The following MAPK10 variants were observed in gnomAD, a reference collection of about 807,000 sequenced individuals.
MAPK10 encodes the protein mitogen-activated protein kinase 10.
In MAPK10, 25 loss-of-function variants were observed where a neutral mutation model predicts 59.3. The observed-to-expected ratio is 0.42, with a 90% CI of 0.31 to 0.59. The LOEUF is 0.59. Among genes scored for constraint, MAPK10 ranks in the 20% least tolerant of loss-of-function variants. The probability of loss-of-function intolerance (pLI) is 0.15; values close to 1 mark genes in which losing one functional copy is unlikely to be tolerated. For synonymous variants in MAPK10, 190 were observed against 200.5 expected (o/e 0.95, Z 0.44); for missense variants, 351 against 568.9 (o/e 0.62, Z 3.90).
rs535477087 is a variant in MAPK10 at position 86,437,017 on chromosome 4, C to T, written c.-122+16013G>A. On this transcript the variant is annotated intron_variant, in intron 1 of 13. Transcript: ENST00000361569. ...CACGAGGTCAGGAGATCGAGACCATCCTGGCTAACACGGTGAAACCACATC... is the reference window on the plus strand; with the variant it reads ...CACGAGGTCAGGAGATCGAGACCATTCTGGCTAACACGGTGAAACCACATC... 2.0e-5 allele frequency among the ~76,000 whole-genome samples: 3 copies of T among 152,102 alleles called. No individual in the cohort carries two copies. In the South Asian group the frequency reaches 6.2e-4, roughly 32 times the overall value.
At position 86,300,017 on chromosome 4, in the gene MAPK10, T is replaced by A. The variant is rs1036637480; in HGVS notation, c.-7+54513A>T. On this transcript the variant is annotated intron_variant, in intron 2 of 13. Coordinates refer to ENST00000641462, the MANE Select transcript of MAPK10 (RefSeq NM_138982.4). ...AAGAGATTCTCCTGCCTCAGCCTCC[T>A]GAGTAGCTGGGTTTGCAGGTGTGCA... Among the ~76,000 whole-genome samples, 3 of 152,036 alleles carry A rather than the reference T, an allele frequency of 2.0e-5. No individual in the cohort carries two copies. The East Asian group carries it at 5.8e-4, about 29-fold the overall frequency.
At chr4:86,137,875 T>C (rs1370552389) in intron 4 of MAPK10, among the ~76,000 whole-genome samples, 1 of 149,816 alleles carries the variant, frequency 6.7e-6, no homozygotes, top group Non-Finnish European at 1.5e-5. Context: ...CCCACAGAAA[T>C]ACAAACTACC....
rs181880120 is a variant in MAPK10, at chr4:86,591,911, A to G, written c.-263+1999T>C. ...GTACTTGACTTCAATAGGAATAATTATGATGTTATGTTATAAAGGAAGTGG... is the reference window on the plus strand; with the variant it reads ...GTACTTGACTTCAATAGGAATAATTGTGATGTTATGTTATAAAGGAAGTGG... On this transcript the variant is annotated intron_variant, in intron 1 of 4. Transcript: ENST00000502302. Among the ~76,000 whole-genome samples the G allele has an allele frequency of 3.2e-3, 481 of 152,236 alleles. 6 individuals are homozygous for G. Among genetic ancestry groups the G allele is most frequent in the African/African-American group, 0.011 (469 of 41,572 alleles).
intron 4 of MAPK10, among the ~76,000 whole-genome samples, chr4:86,114,611 G>A (rs972012027): frequency 6.6e-6 from 1 of 152,228 alleles, no homozygotes; most frequent in Admixed American, 6.5e-5. Flanking sequence ...GAACACTCCT[G>A]TAGGAGGTGT....
rs1436523 is a variant in MAPK10 at position 86,018,963 on chromosome 4, A to T, written c.1253-1593T>A. Among the ~76,000 whole-genome samples the T allele has an allele frequency of 4.6e-3, 698 of 152,330 alleles. 3 individuals carry two copies. Among genetic ancestry groups the T allele is most frequent in the African/African-American group, 0.016 (662 of 41,586 alleles). ...CATAATCCTTGCTCCTGGAGTAGAC[A>T]TTTCTTGCCTGTGAGAAAAGTGTGA... is the stretch of plus-strand genomic sequence containing the variant. On this transcript the variant is annotated intron_variant, in intron 13 of 13. Coordinates refer to ENST00000641462, the MANE Select transcript of MAPK10 (RefSeq NM_138982.4).
chr4:86,092,118 A>C (rs2053342097), intron 9 of MAPK10, among the ~76,000 whole-genome samples: 1 of 152,190 alleles, frequency 6.6e-6, no homozygotes, highest in Non-Finnish European at 1.5e-5. Context: ...AAATAGATTT[A>C]ATAGATCACA....
chr4:86,243,547 G>A (rs539156970), intron 2 of MAPK10, among the ~76,000 whole-genome samples: 9 of 152,212 alleles, frequency 5.9e-5, no homozygotes, highest in East Asian at 5.8e-4. Flanking sequence ...CTCTAGCCAG[G>A]CTTGCACACA....
At chr4:86,279,684 AG>A (rs531670298) in intron 2 of MAPK10, among the ~76,000 whole-genome samples, 2 of 151,968 alleles carry the variant, frequency 1.3e-5, no homozygotes, top group Non-Finnish European at 2.9e-5. Flanking sequence ...TGACATTACT[AG>A]GGGGGGCTCA....
chr4:86,064,020 G>T (rs2046243863), intron 11 of MAPK10, among the ~76,000 whole-genome samples: 1 of 152,112 alleles, frequency 6.6e-6, no homozygotes, highest in Non-Finnish European at 1.5e-5. Context: ...AGAAACAAAT[G>T]GTAGTGTATC....
intron 1 of MAPK10, among the ~76,000 whole-genome samples, chr4:86,507,703 C>G (rs1427950535): frequency 8.6e-6 from 1 of 116,620 alleles, no homozygotes; most frequent in African/African-American, 3.3e-5. Context: ...AGATATATTG[C>G]TAAGGGTAAA....
chr4:86,017,080 A>C lies in MAPK10; in HGVS notation c.*148T>G. 1.2e-6 allele frequency: 1 copy of C among 859,050 alleles called. No homozygotes were observed. The highest frequency in any genetic ancestry group is 1.7e-5 in the South Asian group (1 of 57,226). 53.2% of individuals were successfully genotyped at this position (859,050 alleles called of 1,614,324 possible). On this transcript the variant is annotated 3_prime_UTR_variant, in exon 14 of 14. Transcript: ENST00000641462. This position sits in a 1 kb window ranked among gnomAD's most constrained non-coding sequence, Gnocchi z 4.4. Reference sequence around the variant, plus strand: ...CCCTGGGGAAGAAGCAGGCTGAAAGATTTATTTAATTTTAGGCTTGGATTC... The same window carrying C: ...CCCTGGGGAAGAAGCAGGCTGAAAGCTTTATTTAATTTTAGGCTTGGATTC...
intron 1 of MAPK10, among the ~76,000 whole-genome samples, chr4:86,515,891 T>G (rs971355667): frequency 2.0e-4 from 31 of 151,910 alleles, no homozygotes; most frequent in African/African-American, 2.7e-4. Context: ...TGTTGTTTTT[T>G]TTTTGTTTTG....
chr4:86,029,077 C>T (rs1019417376), intron 13 of MAPK10, 120 bp downstream of exon 13: 1 of 772,084 alleles, frequency 1.3e-6, no homozygotes, highest in African/African-American at 1.7e-5. Flanking sequence ...AAGGACACAA[C>T]CATGTGATAT....
intron 2 of MAPK10, among the ~76,000 whole-genome samples, chr4:86,294,008 T>C (rs73834264): frequency 0.079 from 12,060 of 152,186 alleles, 1,425 homozygotes; most frequent in African/African-American, 0.26. Context: ...ATAACCAGCA[T>C]GCAGGACAAC....
At chr4:86,557,554 T>G (rs1233329564) in intron 1 of MAPK10, among the ~76,000 whole-genome samples, 1 of 152,126 alleles carries the variant, frequency 6.6e-6, no homozygotes, top group Non-Finnish European at 1.5e-5. Flanking sequence ...TCTTACTGGC[T>G]CTAGTTGTAA....
At chr4:86,365,356 C>T (rs1025241614) in intron 1 of MAPK10, among the ~76,000 whole-genome samples, 8 of 139,138 alleles carry the variant, frequency 5.7e-5, no homozygotes, top group African/African-American at 2.1e-4. Flanking sequence ...CGCTTGAACC[C>T]GGGAGGTGGA....
At chr4:86,223,007 A>C (rs902075737) in intron 2 of MAPK10, among the ~76,000 whole-genome samples, 2 of 152,214 alleles carry the variant, frequency 1.3e-5, no homozygotes, top group South Asian at 4.1e-4. Context: ...TTATTTAGCA[A>C]GTCAAGAATC....
At chr4:86,101,323 C>T (rs1321937707) in intron 7 of MAPK10, 106 bp from the exon 8 acceptor site, 2 of 717,012 alleles carry the variant, frequency 2.8e-6, no homozygotes, top group Non-Finnish European at 4.7e-6. Flanking sequence ...GATGAGGTCC[C>T]CCTTGCCTAC....
chr4:86,469,152 C>G (rs1465933097), intron 1 of MAPK10, among the ~76,000 whole-genome samples: 1 of 151,726 alleles, frequency 6.6e-6, no homozygotes, highest in Non-Finnish European at 1.5e-5. Flanking sequence ...TCAATTCTAG[C>G]TACTTGGGAA....
Sources: allele counts gnomAD v4.1 joint callset (sites outside exome capture counted in the v4.1 genomes callset), GRCh38; gene constraint gnomAD v4.1.1; non-coding constraint Gnocchi (gnomAD v3.1); transcripts MANE v1.5; gene names NCBI Gene and HGNC (gene_info 2026-07-23, HGNC 2026-07-21).